TMEM38B: variants seen among roughly 807,000 people sequenced by gnomAD.
The protein encoded by TMEM38B is trimeric intracellular cation channel type B.
In TMEM38B, 24 loss-of-function variants were observed where a neutral mutation model predicts 28.7. The observed-to-expected ratio is 0.84, with a 90% confidence interval of 0.61 to 1.18. TMEM38B has a LOEUF of 1.18. Among genes scored for constraint, TMEM38B ranks in the 50% most tolerant of loss-of-function variants. The pLI, the probability that TMEM38B is intolerant of heterozygous loss-of-function variation, is 0.00. For synonymous variants in TMEM38B, 131 were observed against 127.7 expected, an observed-to-expected ratio of 1.03 and a Z score of -0.17; for missense variants, 380 against 350.9, an observed-to-expected ratio of 1.08 and a Z score of -0.66.
At chr9:105,750,730 A>C (rs1412076775) in intron 5 of TMEM38B, among the ~76,000 whole-genome samples, 1 of 152,220 alleles carries the variant, frequency 6.6e-6, no homozygotes, top group East Asian at 1.9e-4. Flanking sequence ...ATCTAAGGTC[A>C]TGAAGATTTA....
chr9:105,698,674 G>A (rs1471581723), intron 1 of TMEM38B, among the ~76,000 whole-genome samples: 3 of 152,052 alleles, frequency 2.0e-5, no homozygotes, highest in Admixed American at 2.0e-4. Context: ...TAATAGAAAT[G>A]AGCCTATTAG....
In TMEM38B at chr9:105,722,558, A is replaced by C. The variant is rs1836358123; in HGVS notation, c.479A>C (p.Asn160Thr). The part of the protein sequence containing the change: ...ARGAGGTIIT[N>T]FERLVKGDWK... ...GGTGCAGGTGGTACCATTATAACGAATTTTGAGAGGTTGGTAAAAGGAGAT... is the reference window on the plus strand; with the variant it reads ...GGTGCAGGTGGTACCATTATAACGACTTTTGAGAGGTTGGTAAAAGGAGAT... Residue 160 changes from asparagine to threonine, a missense_variant, in exon 4 of 6, where the codon AAT becomes ACT. Asn to Thr is a moderately conservative substitution (Grantham distance 65). Transcript: ENST00000374692. 1 of 1,613,554 alleles carries C rather than the reference A, an allele frequency of 6.2e-7. No individual in the cohort carries two copies. Among genetic ancestry groups the C allele is most frequent in the Non-Finnish European group, 8.5e-7 (1 of 1,179,792 alleles).
chr9:105,740,441 G>GT (rs766634982), intron 4 of TMEM38B, among the ~76,000 whole-genome samples: 40 of 150,820 alleles, frequency 2.7e-4, no homozygotes, highest in Admixed American at 4.6e-4. Context: ...TAATTTTTGT[G>GT]TTTTTTGTAG....
Position 105,741,901 on chromosome 9 carries a change from A to G in TMEM38B, c.543-6172A>G, listed in dbSNP as rs114103799. Reference sequence around the variant, plus strand: ...AGGGTGTGACTGGTCAACTTTTCCTAGTGTTGAAGGGATTGGATGTTTGAC... The same window carrying G: ...AGGGTGTGACTGGTCAACTTTTCCTGGTGTTGAAGGGATTGGATGTTTGAC... On this transcript the variant is annotated intron_variant, in intron 4 of 5. Coordinates refer to ENST00000374692, the MANE Select transcript of TMEM38B (RefSeq NM_018112.3). Among the ~76,000 whole-genome samples the G allele has an allele frequency of 9.0e-3, 1,374 of 152,296 alleles. 33 individuals are homozygous for G. The highest frequency in any genetic ancestry group is 0.031 in the African/African-American group (1,277 of 41,548).
chr9:105,737,214 T>C (rs1008976170), intron 4 of TMEM38B, among the ~76,000 whole-genome samples: 7 of 152,154 alleles, frequency 4.6e-5, no homozygotes, highest in Non-Finnish European at 8.8e-5. Flanking sequence ...TCTGTGATGC[T>C]GAGGTTCACC....
At chr9:105,762,109 A>G (rs922194659) in intron 5 of TMEM38B, among the ~76,000 whole-genome samples, 2 of 152,046 alleles carry the variant, frequency 1.3e-5, no homozygotes, top group African/African-American at 4.8e-5. Flanking sequence ...TTAATGTTTA[A>G]TGACTATTCT....
intron 4 of TMEM38B, among the ~76,000 whole-genome samples, chr9:105,723,309 C>G (rs924734752): frequency 6.6e-6 from 1 of 152,090 alleles, no homozygotes; most frequent in African/African-American, 2.4e-5. Context: ...GCAGCCTAGA[C>G]CTCTTAGGCT....
chr9:105,748,489 G>C (rs112436196), intron 5 of TMEM38B, among the ~76,000 whole-genome samples: 1 of 151,686 alleles, frequency 6.6e-6, no homozygotes, highest in African/African-American at 2.4e-5. Context: ...AGATGATACT[G>C]TCTCATTTGT....
intron 5 of TMEM38B, chr9:105,759,547 C>A: frequency 1.3e-6 from 2 of 1,561,210 alleles, no homozygotes; most frequent in Non-Finnish European, 1.8e-6. Flanking sequence ...TATGCATGAT[C>A]TGTCCTCTAA....
chr9:105,695,270 T>A (rs189450011), intron 1 of TMEM38B, among the ~76,000 whole-genome samples: 1 of 149,210 alleles, frequency 6.7e-6, no homozygotes, highest in Non-Finnish European at 1.5e-5. Flanking sequence ...TAATAGATGG[T>A]TGCGGACTAC....
rs774378693 is a variant in TMEM38B, at chr9:105,760,406, T to G, written c.660+12216T>G. The G allele has an allele frequency of 5.4e-6, 4 of 742,192 alleles. No individual in the cohort carries two copies. In the East Asian group the frequency reaches 7.3e-5, roughly 14 times the overall value. The allele number at this position is 742,192 out of a possible 1,614,324, so 46.0% of individuals were successfully genotyped here. A position where few individuals can be genotyped will look rare whatever the true frequency, so the allele number is the denominator to read the frequency against. On this transcript the variant is annotated intron_variant, in intron 5 of 5. Transcript: ENST00000374692. Reference sequence around the variant, plus strand: ...TTACAGACTGCAGTGGAAAAACATCTTGAATACTTAAAAAAGGGACATATT... The same window carrying G: ...TTACAGACTGCAGTGGAAAAACATCGTGAATACTTAAAAAAGGGACATATT...
At chr9:105,719,187 T>C (rs1836227156) in intron 2 of TMEM38B, among the ~76,000 whole-genome samples, 1 of 152,228 alleles carries the variant, frequency 6.6e-6, no homozygotes, top group East Asian at 1.9e-4. Context: ...TTCATTTGTT[T>C]GTGGCCTAGG....
intron 5 of TMEM38B, among the ~76,000 whole-genome samples, chr9:105,765,989 G>C (rs1826359389): frequency 6.6e-6 from 1 of 151,990 alleles, no homozygotes; most frequent in African/African-American, 2.4e-5. Context: ...TTTTAGTAGA[G>C]ACGGGGTTTC....
intron 1 of TMEM38B, 43 bp from the exon 2 acceptor site, chr9:105,705,554 A>G: frequency 6.5e-7 from 1 of 1,544,578 alleles, no homozygotes. Context: ...TTGTTTAATA[A>G]ATGTATAATG....
intron 4 of TMEM38B, among the ~76,000 whole-genome samples, chr9:105,745,630 G>T (rs1342986606): frequency 2.0e-5 from 3 of 152,144 alleles, no homozygotes; most frequent in African/African-American, 7.2e-5. Context: ...TGTTGCCATT[G>T]CTTTTGGTGT....
At chr9:105,742,421 T>G (rs1837241372) in intron 4 of TMEM38B, among the ~76,000 whole-genome samples, 1 of 152,216 alleles carries the variant, frequency 6.6e-6, no homozygotes, top group Non-Finnish European at 1.5e-5. Context: ...CTGTTGAACC[T>G]TTTTCCTCCT....
chr9:105,742,663 A>G (rs990570821), intron 4 of TMEM38B, among the ~76,000 whole-genome samples: 1 of 152,164 alleles, frequency 6.6e-6, no homozygotes, highest in East Asian at 1.9e-4. Flanking sequence ...TGCATTTTCT[A>G]TGAAATCCTT....
intron 4 of TMEM38B, among the ~76,000 whole-genome samples, chr9:105,725,063 A>G (rs1272226342): frequency 6.6e-6 from 1 of 152,062 alleles, no homozygotes; most frequent in African/African-American, 2.4e-5. Context: ...CTAGTTTAGC[A>G]CTAGCTTTTG....
In TMEM38B at chr9:105,774,088, T is replaced by G; in HGVS notation, c.*8T>G. 1.2e-6 allele frequency: 2 copies of G among 1,612,692 alleles called. No individual in the cohort carries two copies. Among genetic ancestry groups the G allele is most frequent in the South Asian group, 1.1e-5 (1 of 90,972 alleles). On this transcript the variant is annotated 3_prime_UTR_variant, in exon 6 of 6. Coordinates refer to ENST00000374692, the MANE Select transcript of TMEM38B (RefSeq NM_018112.3). ...ACTAAGAAGAATGAATAAATTTACG[T>G]GATGAGCTCTACAAGGCCAAAAATT...
Sources: allele counts gnomAD v4.1 joint callset (sites outside exome capture counted in the v4.1 genomes callset), GRCh38; gene constraint gnomAD v4.1.1; transcripts MANE v1.5; gene names NCBI Gene and HGNC (gene_info 2026-07-23, HGNC 2026-07-21).